TENM1: variants seen among roughly 807,000 people sequenced by gnomAD.
The protein encoded by TENM1 is teneurin transmembrane protein 1, also known as teneurin-1.
In TENM1, 35 loss-of-function variants were observed where a neutral mutation model predicts 174.8. The ratio of observed to expected loss-of-function variants is 0.20; its 90% CI spans 0.15 to 0.27. TENM1 has a LOEUF of 0.27. TENM1 is among the 10% of genes least tolerant of loss of function. TENM1 has a pLI of 1.00. For missense variants in TENM1, 1,633 were observed against 2,130.1 expected (o/e 0.77, Z 4.59); for synonymous variants, 781 against 798.7 (o/e 0.98, Z 0.37).
the TENM1 span, among the ~76,000 whole-genome samples, chrX:125,178,821 A>G: frequency 9.0e-6 from 1 of 111,176 alleles, no homozygotes; most frequent in Non-Finnish European, 1.9e-5. Flanking sequence ...CGATAGCTCA[A>G]TCTAGCCTGG....
chrX:125,126,070 T>G, the TENM1 span, among the ~76,000 whole-genome samples: 1 of 112,216 alleles, frequency 8.9e-6, no homozygotes, highest in Non-Finnish European at 1.9e-5. Flanking sequence ...CACTAAGCCT[T>G]TGGAAATAAT....
chrX:124,735,682 A>G (rs2053654114), intron 4 of TENM1, among the ~76,000 whole-genome samples: 1 of 111,859 alleles, frequency 8.9e-6, no homozygotes, highest in African/African-American at 3.3e-5. Context: ...CATGGAATCA[A>G]CCTAAGTGTC....
chrX:125,073,815 C>G, the TENM1 span, among the ~76,000 whole-genome samples: 1 of 111,551 alleles, frequency 9.0e-6, no homozygotes, highest in South Asian at 3.8e-4. Flanking sequence ...CCTTCCAAGT[C>G]AAGGTACATC....
chrX:124,730,241 T>G (rs2053535623), intron 4 of TENM1, among the ~76,000 whole-genome samples: 1 of 111,397 alleles, frequency 9.0e-6, no homozygotes, highest in African/African-American at 3.3e-5. Context: ...TTTGAGGAAA[T>G]TATGAATGGA....
chrX:124,642,326 C>T (rs758273627), intron 10 of TENM1, among the ~76,000 whole-genome samples: 3 of 111,844 alleles, frequency 2.7e-5, no homozygotes, highest in Non-Finnish European at 3.8e-5. Context: ...TGCTCAGCTT[C>T]GCAAAAAAGC....
chrX:124,733,015 A>G (rs2053599454), intron 4 of TENM1, among the ~76,000 whole-genome samples: 1 of 111,948 alleles, frequency 8.9e-6, no homozygotes, highest in Admixed American at 9.5e-5. Flanking sequence ...AGAGAGGCTA[A>G]TAAGAACCCA....
At chrX:125,060,035 C>T in the TENM1 span, among the ~76,000 whole-genome samples, 4 of 109,561 alleles carry the variant, frequency 3.7e-5, no homozygotes, top group Non-Finnish European at 5.7e-5. Flanking sequence ...GCCTTTCAGA[C>T]GCATGCTGCA....
At position 124,928,472 on chromosome X, in the gene TENM1, G is replaced by A. The variant is rs771342299; in HGVS notation, c.218-32231C>T. 7.2e-5 allele frequency among the ~76,000 whole-genome samples: 8 copies of A among 111,878 alleles called. No individual in the cohort carries two copies. In the South Asian group the frequency reaches 3.0e-3, roughly 41 times the overall value. The stretch of plus-strand genomic sequence containing the variant: ...CATCTGTACAGATTGAAGCTAATTA[G>A]AGACACAGAGATTTTATCCAATGAT... On this transcript the variant is annotated intron_variant, in intron 1 of 31. Coordinates refer to ENST00000422452, the Ensembl canonical transcript of TENM1.
intron 3 of TENM1, among the ~76,000 whole-genome samples, chrX:124,837,840 T>G (rs937175480): frequency 4.5e-5 from 5 of 111,865 alleles, no homozygotes; most frequent in African/African-American, 1.3e-4. Context: ...ATTGCAGAGA[T>G]AGATGTTACC....
At chrX:124,877,149 A>G (rs904511817) in intron 3 of TENM1, among the ~76,000 whole-genome samples, 1 of 112,432 alleles carries the variant, frequency 8.9e-6, no homozygotes, top group Non-Finnish European at 1.9e-5. Context: ...TACAGAGGAA[A>G]AAATTCCAAA....
At chrX:124,801,753 C>G (rs1464470935) in intron 3 of TENM1, among the ~76,000 whole-genome samples, 1 of 111,524 alleles carries the variant, frequency 9.0e-6, no homozygotes, top group Non-Finnish European at 1.9e-5. Context: ...TTAATACTTC[C>G]TTCAGGAGCT....
At chrX:124,886,103 A>G (rs995898200) in intron 3 of TENM1, among the ~76,000 whole-genome samples, 2 of 111,879 alleles carry the variant, frequency 1.8e-5, no homozygotes, top group African/African-American at 6.5e-5. Context: ...TCAGATGACA[A>G]TGTTGTCATT....
At chrX:125,125,501 G>C in the TENM1 span, among the ~76,000 whole-genome samples, 2 of 111,476 alleles carry the variant, frequency 1.8e-5, no homozygotes, top group Non-Finnish European at 3.8e-5. Context: ...AGAAAATAAG[G>C]TAGTAGCATG....
At chrX:124,521,318 G>C (rs910936145) in intron 17 of TENM1, among the ~76,000 whole-genome samples, 5 of 111,903 alleles carry the variant, frequency 4.5e-5, no homozygotes, top group African/African-American at 1.6e-4. Context: ...AGTTTCCCTA[G>C]AATTAATCTT....
the TENM1 span, among the ~76,000 whole-genome samples, chrX:125,148,124 C>A: frequency 9.0e-6 from 1 of 111,230 alleles, no homozygotes; most frequent in Admixed American, 9.6e-5. Flanking sequence ...GCGCTACTAG[C>A]CCGTAATGCC....
the TENM1 span, among the ~76,000 whole-genome samples, chrX:125,058,786 G>A: frequency 1.8e-5 from 2 of 110,974 alleles, no homozygotes; most frequent in African/African-American, 6.5e-5. Context: ...GGTAAGTGCA[G>A]ACTGGGGTGA....
the TENM1 span, among the ~76,000 whole-genome samples, chrX:125,163,693 G>C: frequency 9.0e-6 from 1 of 111,184 alleles, no homozygotes; most frequent in Non-Finnish European, 1.9e-5. Context: ...CATATAAAAA[G>C]TGTTTTTGTC....
At chrX:124,507,744 G>A (rs756825588) in intron 18 of TENM1, among the ~76,000 whole-genome samples, 14 of 111,884 alleles carry the variant, frequency 1.3e-4, no homozygotes, top group African/African-American at 4.5e-4. Context: ...ACATTAAGTA[G>A]CCAAGGTAAA....
At chrX:124,467,456 A>G (rs2061252275) in intron 22 of TENM1, among the ~76,000 whole-genome samples, 1 of 111,485 alleles carries the variant, frequency 9.0e-6, no homozygotes, top group African/African-American at 3.3e-5. Context: ...AACTCCACAT[A>G]TGGGTACATA....
Sources: allele counts gnomAD v4.1 joint callset (sites outside exome capture counted in the v4.1 genomes callset), GRCh38; gene constraint gnomAD v4.1.1; transcripts MANE v1.5; gene names NCBI Gene and HGNC (gene_info 2026-07-23, HGNC 2026-07-21).